The following PRELID2 variants were observed in gnomAD, a reference collection of about 807,000 sequenced individuals.
The protein encoded by PRELID2 is PRELI domain-containing protein 2.
PRELID2 carries 25 observed loss-of-function variants against 28.4 expected under a neutral mutation model. That is an observed-to-expected ratio of 0.88 (90% CI 0.64 to 1.23). The LOEUF is 1.23. PRELID2 is among the 50% of genes most tolerant of loss of function. PRELID2 has a pLI of 0.00. For synonymous variants in PRELID2, 76 were observed against 71.6 expected (o/e 1.06, Z -0.31); for missense variants, 201 against 214.4 (o/e 0.94, Z 0.39).
At chr5:145,348,931 G>A in the PRELID2 span, among the ~76,000 whole-genome samples, 1 of 152,110 alleles carries the variant, frequency 6.6e-6, no homozygotes, top group Non-Finnish European at 1.5e-5. Flanking sequence ...TATATGCAAT[G>A]TTGATCCACT....
the PRELID2 span, among the ~76,000 whole-genome samples, chr5:145,343,225 T>G: frequency 6.6e-6 from 1 of 152,008 alleles, no homozygotes; most frequent in African/African-American, 2.4e-5. Flanking sequence ...TATATATTCT[T>G]TTTATTGGCA....
chr5:145,688,215 G>A (rs1024747265), intron 1 of PRELID2, among the ~76,000 whole-genome samples: 1 of 152,224 alleles, frequency 6.6e-6, no homozygotes, highest in Admixed American at 6.5e-5. Context: ...GGCAGCCTCA[G>A]AGACATCTCA....
intron 1 of PRELID2, among the ~76,000 whole-genome samples, chr5:145,569,020 G>T (rs1052401712): frequency 6.6e-6 from 1 of 152,168 alleles, no homozygotes; most frequent in Non-Finnish European, 1.5e-5. Context: ...CCTTCATGCT[G>T]TTTCAAAGAA....
chr5:145,690,356 A>C (rs1755123459), intron 1 of PRELID2, among the ~76,000 whole-genome samples: 1 of 152,124 alleles, frequency 6.6e-6, no homozygotes, highest in South Asian at 2.1e-4. Flanking sequence ...TAGCAGTGGA[A>C]TATATGACAG....
the PRELID2 span, among the ~76,000 whole-genome samples, chr5:145,308,408 AT>A: frequency 3.1e-4 from 47 of 152,310 alleles, 1 homozygote; most frequent in South Asian, 9.5e-3. Context: ...TTTAAAACAC[AT>A]TTTTTATTGC....
chr5:145,408,310 A>G, the PRELID2 span, among the ~76,000 whole-genome samples: 329 of 151,420 alleles, frequency 2.2e-3, 1 homozygote, highest in African/African-American at 7.3e-3. Context: ...GAAATCTCTA[A>G]ATTGCCAGGT....
At chr5:145,534,024 G>A (rs1376319859) in intron 1 of PRELID2, among the ~76,000 whole-genome samples, 2 of 152,008 alleles carry the variant, frequency 1.3e-5, no homozygotes, top group East Asian at 3.9e-4. Context: ...TTCTATATTA[G>A]ATAGGAATTT....
At chr5:145,382,393 AT>A in the PRELID2 span, among the ~76,000 whole-genome samples, 1 of 152,074 alleles carries the variant, frequency 6.6e-6, no homozygotes, top group Non-Finnish European at 1.5e-5. Flanking sequence ...AAAAATATTA[AT>A]TTTGAGATTC....
chr5:145,829,943 A>G (rs1755471718), intron 1 of PRELID2, among the ~76,000 whole-genome samples: 4 of 152,248 alleles, frequency 2.6e-5, no homozygotes, highest in Admixed American at 2.6e-4. Context: ...CATTTTGTTC[A>G]GCACACCAGG....
chr5:145,414,569 A>G, the PRELID2 span, among the ~76,000 whole-genome samples: 1 of 152,218 alleles, frequency 6.6e-6, no homozygotes, highest in African/African-American at 2.4e-5. Flanking sequence ...TATTTCCAAT[A>G]TGTTTAAGTA....
intron 5 of PRELID2, chr5:145,795,239 A>C (rs1752658587): frequency 6.6e-6 from 1 of 152,120 alleles, no homozygotes; most frequent in Non-Finnish European, 1.5e-5. Flanking sequence ...CAAACGCATA[A>C]ATTGCAATAT....
chr5:145,689,658 T>C (rs1308890973), intron 1 of PRELID2, among the ~76,000 whole-genome samples: 3 of 152,070 alleles, frequency 2.0e-5, no homozygotes, highest in Non-Finnish European at 4.4e-5. Context: ...CTGAGAGCCA[T>C]GGATTTAAGC....
chr5:145,376,755 TTG>T, the PRELID2 span, among the ~76,000 whole-genome samples: 1 of 152,142 alleles, frequency 6.6e-6, no homozygotes, highest in African/African-American at 2.4e-5. Flanking sequence ...TTGTTTCTGA[TTG>T]TGTTTATTTG....
the PRELID2 span, among the ~76,000 whole-genome samples, chr5:145,300,297 T>C: frequency 2.6e-4 from 39 of 152,126 alleles, no homozygotes; most frequent in African/African-American, 8.7e-4. Context: ...AATAGTCATT[T>C]CCCCAAGGAC....
intron 1 of PRELID2, among the ~76,000 whole-genome samples, chr5:145,491,737 C>G (rs1055712785): frequency 2.6e-5 from 4 of 151,812 alleles, no homozygotes; most frequent in African/African-American, 9.7e-5. Context: ...AACCACTATT[C>G]TATTTTCTAC....
intron 1 of PRELID2, among the ~76,000 whole-genome samples, chr5:145,677,031 G>A (rs1194340331): frequency 6.6e-6 from 1 of 151,798 alleles, no homozygotes; most frequent in Non-Finnish European, 1.5e-5. Flanking sequence ...AAGCATTTCT[G>A]TAGCAGCTGA....
At chr5:145,592,785 A>C (rs1753250827) in intron 1 of PRELID2, among the ~76,000 whole-genome samples, 2 of 152,220 alleles carry the variant, frequency 1.3e-5, no homozygotes, top group Non-Finnish European at 1.5e-5. Context: ...ATTTAATGTA[A>C]AAATGCAACC....
At chr5:145,473,539 T>A (rs1752072696) in intron 1 of PRELID2, among the ~76,000 whole-genome samples, 1 of 152,186 alleles carries the variant, frequency 6.6e-6, no homozygotes, top group Non-Finnish European at 1.5e-5. Flanking sequence ...AAATCACTTA[T>A]TAAGGTTAGA....
chr5:145,809,737 A>G (rs1258036361), intron 4 of PRELID2, among the ~76,000 whole-genome samples: 1 of 152,280 alleles, frequency 6.6e-6, no homozygotes, highest in African/African-American at 2.4e-5. Flanking sequence ...CGGTTTGACA[A>G]CATCGTGAAT....
Sources: gnomAD v4.1 joint callset for allele counts (sites outside exome capture counted in the v4.1 genomes callset) on GRCh38, gnomAD v4.1.1 for gene constraint, MANE v1.5 for transcripts, NCBI Gene and HGNC (gene_info 2026-07-23, HGNC 2026-07-21) for gene names.